CNTN4: variants seen among roughly 807,000 people sequenced by gnomAD.
CNTN4 encodes the protein contactin-4.
CNTN4 carries 77 observed loss-of-function variants against 122.5 expected under a neutral mutation model. That is an observed-to-expected ratio of 0.63 (90% confidence interval 0.52 to 0.76). CNTN4 has a LOEUF of 0.76. Among genes scored for constraint, CNTN4 ranks in the 30% least tolerant of loss-of-function variants. The probability of loss-of-function intolerance (pLI) is 0.00; values close to 1 mark genes in which losing one functional copy is unlikely to be tolerated. For missense variants in CNTN4, 1,256 were observed against 1,259.1 expected, an observed-to-expected ratio of 1.00 and a Z score of 0.04; for synonymous variants, 512 against 447.0, an observed-to-expected ratio of 1.15 and a Z score of -1.83.
chr3:2,666,879 T>C (rs924887747), intron 4 of CNTN4, among the ~76,000 whole-genome samples: 1 of 151,848 alleles, frequency 6.6e-6, no homozygotes, highest in Admixed American at 6.6e-5. Context: ...CTGAGAATGA[T>C]GGTTTCCAGC....
At chr3:2,718,551 T>G (rs537203809) in intron 4 of CNTN4, among the ~76,000 whole-genome samples, 1 of 152,326 alleles carries the variant, frequency 6.6e-6, no homozygotes, top group African/African-American at 2.4e-5. Flanking sequence ...TTGGTTATAT[T>G]TCACTTAATG....
chr3:2,919,354 A>G (rs962426986), intron 12 of CNTN4, among the ~76,000 whole-genome samples: 5 of 30,478 alleles, frequency 1.6e-4, no homozygotes, highest in Admixed American at 3.2e-4. Flanking sequence ...TCTGTCTCAG[A>G]AAAAAAAAAA....
chr3:2,425,065 T>C (rs1423138948), intron 3 of CNTN4, among the ~76,000 whole-genome samples: 1 of 152,212 alleles, frequency 6.6e-6, no homozygotes, highest in Non-Finnish European at 1.5e-5. Flanking sequence ...GCAGAAGCTC[T>C]TTGGTTTAAT....
chr3:2,749,568 T>A (rs2089987908), intron 6 of CNTN4, among the ~76,000 whole-genome samples: 1 of 152,310 alleles, frequency 6.6e-6, no homozygotes, highest in South Asian at 2.1e-4. Context: ...ACTGAGACTA[T>A]CTTGTCCATC....
chr3:2,440,351 C>T (rs893144303), intron 3 of CNTN4, among the ~76,000 whole-genome samples: 1 of 152,178 alleles, frequency 6.6e-6, no homozygotes, highest in Admixed American at 6.5e-5. Flanking sequence ...ACTGACACAA[C>T]TTGAAAATCC....
intron 3 of CNTN4, among the ~76,000 whole-genome samples, chr3:2,346,008 T>C (rs3856836): frequency 0.41 from 62,597 of 151,956 alleles, 13,723 homozygotes; most frequent in East Asian, 0.8. Context: ...CAGCGTGTAG[T>C]TGGATTTTTT....
At chr3:3,036,154 TACAC>T (rs1247135508) in intron 17 of CNTN4, among the ~76,000 whole-genome samples, 1 of 152,206 alleles carries the variant, frequency 6.6e-6, no homozygotes, top group Non-Finnish European at 1.5e-5. Flanking sequence ...CAAACAAAGA[TACAC>T]ACTCCTCTAG....
At chr3:2,437,770 G>A (rs773237688) in intron 3 of CNTN4, among the ~76,000 whole-genome samples, 2 of 152,262 alleles carry the variant, frequency 1.3e-5, no homozygotes, top group Admixed American at 6.5e-5. Context: ...AAGCGTAATC[G>A]CCAATATCTT....
At chr3:2,758,447 A>G (rs756902171) in intron 6 of CNTN4, among the ~76,000 whole-genome samples, 1 of 151,918 alleles carries the variant, frequency 6.6e-6, no homozygotes, top group Non-Finnish European at 1.5e-5. Context: ...TGCATATTCC[A>G]TATAGTCTTT....
chr3:2,142,133 G>A (rs1038616288), intron 2 of CNTN4, among the ~76,000 whole-genome samples: 1 of 152,198 alleles, frequency 6.6e-6, no homozygotes, highest in Non-Finnish European at 1.5e-5. Flanking sequence ...GGGCTATTTC[G>A]ATTGGTCATA....
At chr3:2,535,272 T>G (rs1317622193) in intron 3 of CNTN4, among the ~76,000 whole-genome samples, 2 of 152,210 alleles carry the variant, frequency 1.3e-5, no homozygotes, top group East Asian at 3.9e-4. Context: ...TTTAAATCTG[T>G]CCTCAATTCT....
At chr3:2,840,267 AG>A (rs2093325182) in intron 7 of CNTN4, among the ~76,000 whole-genome samples, 1 of 152,152 alleles carries the variant, frequency 6.6e-6, no homozygotes, top group Non-Finnish European at 1.5e-5. Flanking sequence ...CCCAAGATAA[AG>A]TTCTCCATAG....
intron 3 of CNTN4, among the ~76,000 whole-genome samples, chr3:2,543,041 T>C (rs541190815): frequency 6.6e-6 from 1 of 152,282 alleles, no homozygotes; most frequent in African/African-American, 2.4e-5. Flanking sequence ...CCAGATTGTA[T>C]ACATGGACAT....
At chr3:2,667,238 C>T (rs2084221788) in intron 4 of CNTN4, among the ~76,000 whole-genome samples, 1 of 152,168 alleles carries the variant, frequency 6.6e-6, no homozygotes, top group Non-Finnish European at 1.5e-5. Flanking sequence ...TTCTCCACAT[C>T]CTCTCCAGCA....
rs546048092 is a variant in CNTN4 at position 2,926,428 on chromosome 3, C to T, written c.1358+649C>T. ...TATATAGGAGTTATTTGAGGTTTTA[C>T]ATTAGCTTGCACGAAATGGCAGGTG... On this transcript the variant is annotated intron_variant, in intron 13 of 24. Coordinates refer to ENST00000418658, the MANE Select transcript of CNTN4 (RefSeq NM_175607.3). Among the ~76,000 whole-genome samples the T allele has an allele frequency of 1.3e-5, 2 of 152,252 alleles. 1 individual carries two copies. Among genetic ancestry groups the T allele is most frequent in the East Asian group, 3.9e-4 (2 of 5,188 alleles).
intron 3 of CNTN4, among the ~76,000 whole-genome samples, chr3:2,361,525 G>T (rs897915803): frequency 3.9e-5 from 6 of 152,022 alleles, no homozygotes; most frequent in Admixed American, 2.6e-4. Context: ...TATACCCTGG[G>T]GTCATTCTGT....
At chr3:2,809,363 G>C (rs1055588346) in intron 6 of CNTN4, among the ~76,000 whole-genome samples, 4 of 152,200 alleles carry the variant, frequency 2.6e-5, no homozygotes, top group Non-Finnish European at 5.9e-5. Flanking sequence ...AAGGACATGG[G>C]TCCTGAGACT....
chr3:2,101,785 G>A (rs1179528260), intron 2 of CNTN4, among the ~76,000 whole-genome samples: 1 of 151,988 alleles, frequency 6.6e-6, no homozygotes, highest in East Asian at 1.9e-4. Flanking sequence ...GATGAATAAA[G>A]CAAAAATTAT....
intron 3 of CNTN4, among the ~76,000 whole-genome samples, chr3:2,459,156 T>G (rs1482194938): frequency 6.6e-6 from 1 of 152,156 alleles, no homozygotes; most frequent in Non-Finnish European, 1.5e-5. Context: ...AATGATGATC[T>G]GCCCCATGGT....
Sources: gnomAD v4.1 joint callset for allele counts (sites outside exome capture counted in the v4.1 genomes callset) on GRCh38, gnomAD v4.1.1 for gene constraint, MANE v1.5 for transcripts, NCBI Gene and HGNC (gene_info 2026-07-23, HGNC 2026-07-21) for gene names.